RPL32: variants seen among roughly 807,000 people sequenced by gnomAD.
RPL32 encodes the protein ribosomal protein L32, also known as large ribosomal subunit protein eL32.
For missense variants in RPL32, 117 were observed against 173.7 expected (o/e 0.67, Z 1.83); for synonymous variants, 61 against 62.6 (o/e 0.98, Z 0.12).
At chr3:12,840,021 T>A in intron 2 of RPL32, 121 bp downstream of exon 2, 3 of 828,544 alleles carry the variant, frequency 3.6e-6, no homozygotes, top group Non-Finnish European at 6.2e-6. Flanking sequence ...CCTGTATTTC[T>A]ACAGAAAGCT....
At chr3:12,840,082 A>T (rs2062136055) in intron 2 of RPL32, 60 bp downstream of exon 2, 1 of 1,162,288 alleles carries the variant, frequency 8.6e-7, no homozygotes. Flanking sequence ...AGGTGATGTC[A>T]GAAACTGTTG....
intron 3 of RPL32, 75 bp downstream of exon 3, chr3:12,839,274 T>C: frequency 7.2e-7 from 1 of 1,386,096 alleles, no homozygotes. Context: ...CAAGAGTTTG[T>C]AGAGTTCCTG....
In RPL32 at chr3:12,834,979, TTTTGAACAGGAGAC is replaced by T. The variant is rs2062088036; in HGVS notation, c.*1101_*1114del. On this transcript the variant is annotated 3_prime_UTR_variant, in exon 4 of 4. Coordinates refer to ENST00000429711, the MANE Select transcript of RPL32 (RefSeq NM_000994.4). ...TGCATTATAAATATTTATGACTAGG[TTTTGAACAGGAGAC>T]AATCTGTAAGATTCCTGTCTAGACT... 6.6e-6 allele frequency: 1 copy of T among 152,060 alleles called. No homozygotes were observed. The highest frequency in any genetic ancestry group is 1.5e-5 in the Non-Finnish European group (1 of 68,010). 9.4% of individuals were successfully genotyped at this position (152,060 alleles called of 1,614,324 possible).
intron 3 of RPL32, among the ~76,000 whole-genome samples, chr3:12,838,226 G>A (rs2062114110): frequency 6.6e-6 from 1 of 152,154 alleles, no homozygotes; most frequent in Non-Finnish European, 1.5e-5. Context: ...GGCCAACATG[G>A]TGAAACCTCA....
At chr3:12,838,237 T>C (rs900961004) in intron 3 of RPL32, among the ~76,000 whole-genome samples, 17 of 152,178 alleles carry the variant, frequency 1.1e-4, no homozygotes, top group African/African-American at 3.6e-4. Flanking sequence ...TGAAACCTCA[T>C]CTGTACTAAA....
intron 3 of RPL32, among the ~76,000 whole-genome samples, chr3:12,838,592 G>A (rs1049491435): frequency 1.3e-5 from 2 of 151,924 alleles, no homozygotes; most frequent in Admixed American, 6.6e-5. Flanking sequence ...AGACTTAAGA[G>A]CCCCTTAAGG....
chr3:12,840,307 C>A, intron 1 of RPL32, 65 bp from the exon 2 acceptor site: 1 of 1,158,678 alleles, frequency 8.6e-7, no homozygotes, highest in South Asian at 1.2e-5. Context: ...TGCCCAGGGA[C>A]TGAACACTGT....
In RPL32 at chr3:12,835,932, C is replaced by T. The variant is rs758412414; in HGVS notation, c.*162G>A. On this transcript the variant is annotated 3_prime_UTR_variant, in exon 4 of 4. Transcript: ENST00000429711. ...CTGTTCAAGGACTGAGTGTCCTTTACAAATCCCCTCCAAATGGGAGATTCC... is the reference window on the plus strand; with the variant it reads ...CTGTTCAAGGACTGAGTGTCCTTTATAAATCCCCTCCAAATGGGAGATTCC... 1.4e-5 allele frequency: 11 copies of T among 807,680 alleles called. No individual in the cohort carries two copies. The highest frequency in any genetic ancestry group is 3.7e-4 in the Middle Eastern group (1 of 2,686). The allele number at this position is 807,680 out of a possible 1,614,324, so 50.0% of individuals were successfully genotyped here. A position where few individuals can be genotyped will look rare whatever the true frequency, so the allele number is the denominator to read the frequency against.
At chr3:12,841,276 G>C (rs577692020) in intron 1 of RPL32, 1 of 152,486 alleles carries the variant, frequency 6.6e-6, no homozygotes, top group African/African-American at 2.4e-5. Flanking sequence ...GAACAAACAA[G>C]CAGCCCGCAG....
intron 2 of RPL32, 126 bp downstream of exon 2, chr3:12,840,016 A>G (rs2062135515): frequency 9.9e-6 from 8 of 806,732 alleles, no homozygotes; most frequent in Non-Finnish European, 1.7e-5. Context: ...GGAGACCTGT[A>G]TTTCTACAGA....
In RPL32 at chr3:12,836,238, A is replaced by C. The variant is rs2062099254; in HGVS notation, c.279-15T>G. ...CACAGTAAGATCTGCAAGAGAATCA[A>C]GTAGGTAAGGAGCAAGACAGCCCTC... On this transcript the variant is annotated splice_polypyrimidine_tract_variant and intron_variant, in intron 3 of 3. Transcript: ENST00000429711. 2 of 1,599,370 alleles carry C rather than the reference A, an allele frequency of 1.3e-6. No homozygotes were observed. Among genetic ancestry groups the C allele is most frequent in the South Asian group, 2.2e-5 (2 of 91,072 alleles).
At chr3:12,840,057 A>G in intron 2 of RPL32, 85 bp downstream of exon 2, 1 of 1,108,794 alleles carries the variant, frequency 9.0e-7, no homozygotes, top group Non-Finnish European at 1.4e-6. Flanking sequence ...TCATCGGTCA[A>G]AGATAATCCT....
At chr3:12,836,312 G>A in intron 3 of RPL32, 89 bp from the exon 4 acceptor site, 1 of 1,508,002 alleles carries the variant, frequency 6.6e-7, no homozygotes, top group Non-Finnish European at 9.0e-7. Flanking sequence ...CCAGCACCAA[G>A]CTAAGAGAGG....
Position 12,835,928 on chromosome 3 carries a change from T to C in RPL32, c.*166A>G, listed in dbSNP as rs2062095762. ...TCCCCTGTTCAAGGACTGAGTGTCC[T>C]TTACAAATCCCCTCCAAATGGGAGA... is the stretch of plus-strand genomic sequence containing the variant. On this transcript the variant is annotated 3_prime_UTR_variant, in exon 4 of 4. Transcript: ENST00000429711. The C allele has an allele frequency of 1.3e-6, 1 of 783,714 alleles. No individual in the cohort carries two copies. Among genetic ancestry groups the C allele is most frequent in the African/African-American group, 1.7e-5 (1 of 57,414 alleles). 48.5% of individuals were successfully genotyped at this position (783,714 alleles called of 1,614,324 possible).
intron 3 of RPL32, among the ~76,000 whole-genome samples, chr3:12,837,199 TC>T (rs148427359): frequency 0.027 from 4,084 of 152,266 alleles, 187 homozygotes; most frequent in African/African-American, 0.091. Context: ...TTTAAATGTG[TC>T]CCCCCTGGCT....
Position 12,836,360 on chromosome 3 carries a change from C to A in RPL32, c.279-137G>T. On this transcript the variant is annotated intron_variant, in intron 3 of 3. Coordinates refer to ENST00000429711, the MANE Select transcript of RPL32 (RefSeq NM_000994.4). Reference sequence around the variant, plus strand: ...GTGGCTGTGGAATGACACCTACATGCCCCCAAATCCTGACTATGGTTCCCT... The same window carrying A: ...GTGGCTGTGGAATGACACCTACATGACCCCAAATCCTGACTATGGTTCCCT... The A allele has an allele frequency of 4.1e-6, 4 of 968,286 alleles. No homozygotes were observed. The South Asian group carries it at 6.3e-5, about 15-fold the overall frequency. 60.0% of individuals were successfully genotyped at this position (968,286 alleles called of 1,614,324 possible). A position where few individuals can be genotyped will look rare whatever the true frequency, so the allele number is the denominator to read the frequency against.
At chr3:12,841,046 C>T (rs1425003590) in intron 1 of RPL32, 4 of 153,600 alleles carry the variant, frequency 2.6e-5, no homozygotes, top group Non-Finnish European at 4.4e-5. Context: ...CGACCTACAG[C>T]TCGTCTTTCC....
Position 12,834,776 on chromosome 3 carries a change from A to C in RPL32, c.*1318T>G, listed in dbSNP as rs1017791891. ...GCCCAAGTATTTTCTGTGATATCCC[A>C]GGTTAATAAAGATTAGATTCTAAGT... On this transcript the variant is annotated 3_prime_UTR_variant, in exon 4 of 4. Transcript: ENST00000429711. The C allele has an allele frequency of 1.2e-4, 18 of 152,214 alleles. No individual in the cohort carries two copies. The highest frequency in any genetic ancestry group is 3.9e-4 in the African/African-American group (16 of 41,448). The allele number at this position is 152,214 out of a possible 1,614,324, so 9.4% of individuals were successfully genotyped here.
At position 12,835,409 on chromosome 3, in the gene RPL32, CA is replaced by C; in HGVS notation, c.*684del. 6.6e-6 allele frequency: 1 copy of C among 152,018 alleles called. No individual in the cohort carries two copies. Among genetic ancestry groups the C allele is most frequent in the Non-Finnish European group, 1.5e-5 (1 of 68,054 alleles). The allele number at this position is 152,018 out of a possible 1,614,324, so 9.4% of individuals were successfully genotyped here. ...CTGGGTGAGAGCAAGACCCCGTCTC[CA>C]AAAAAAATCAGGACCACGTGTCACT... On this transcript the variant is annotated 3_prime_UTR_variant, in exon 4 of 4. Transcript: ENST00000429711.
Sources: allele counts gnomAD v4.1 joint callset (sites outside exome capture counted in the v4.1 genomes callset), GRCh38; gene constraint gnomAD v4.1.1; transcripts MANE v1.5; gene names NCBI Gene and HGNC (gene_info 2026-07-23, HGNC 2026-07-21).